Variants in ABL1 observed in about 807,000 individuals in gnomAD.
ABL1 encodes tyrosine-protein kinase ABL1.
ABL1 carries 11 observed loss-of-function variants against 94.7 expected under a neutral mutation model. The observed-to-expected ratio is 0.12, with a 90% CI of 0.07 to 0.19. The LOEUF (loss-of-function observed/expected upper bound fraction) is 0.19. Ranked by LOEUF, ABL1 falls within the 10% of genes least tolerant of loss-of-function variation. ABL1 has a pLI of 1.00. For synonymous variants in ABL1, 656 were observed against 622.4 expected (o/e 1.05, Z -0.80); for missense variants, 1,082 against 1,489.4 (o/e 0.73, Z 4.50).
At position 130,805,108 on chromosome 9, in the gene ABL1, G is replaced by A. The variant is rs146778201; in HGVS notation, c.137-48956G>A. On this transcript the variant is annotated intron_variant, in intron 1 of 10. Coordinates refer to the ABL1 transcript ENST00000372348. ...GTTTGTTTGTTTGAGACAGAGTCTC[G>A]CACTGTCACCCAGGCTGGAGTGCAG... Among the ~76,000 whole-genome samples, 29 of 152,178 alleles carry A rather than the reference G, an allele frequency of 1.9e-4. No individual in the cohort carries two copies. In the East Asian group the frequency reaches 4.1e-3, roughly 21 times the overall value.
intron 1 of ABL1, among the ~76,000 whole-genome samples, chr9:130,784,120 A>G (rs1829795099): frequency 1.3e-5 from 2 of 152,080 alleles, no homozygotes; most frequent in African/African-American, 4.8e-5. Context: ...TTTTTAAAAA[A>G]AATCTCTAAA....
At chr9:130,765,798 A>G (rs962801001) in intron 1 of ABL1, among the ~76,000 whole-genome samples, 4 of 152,216 alleles carry the variant, frequency 2.6e-5, no homozygotes, top group Admixed American at 6.5e-5. Context: ...TTGAACACAT[A>G]TTGAAATTTT....
chr9:130,721,822 G>GTTTTTTTT (rs746954089), intron 1 of ABL1, among the ~76,000 whole-genome samples: 3 of 120,880 alleles, frequency 2.5e-5, no homozygotes, highest in Non-Finnish European at 1.7e-5. Context: ...GTTTTTTTTT[G>GTTTTTTTT]TTTTTTTTTT....
At chr9:130,788,289 A>G (rs1259425414) in intron 1 of ABL1, among the ~76,000 whole-genome samples, 1 of 152,180 alleles carries the variant, frequency 6.6e-6, no homozygotes, top group East Asian at 1.9e-4. Flanking sequence ...CGAGTCATCA[A>G]TTTTTAACGT....
intron 1 of ABL1, among the ~76,000 whole-genome samples, chr9:130,730,175 C>T (rs979284196): frequency 6.6e-6 from 1 of 151,766 alleles, no homozygotes; most frequent in Non-Finnish European, 1.5e-5. Flanking sequence ...TCCCGAGTAG[C>T]TGGAATATGG....
intron 3 of ABL1, among the ~76,000 whole-genome samples, chr9:130,858,889 T>C (rs1031992663): frequency 6.6e-6 from 1 of 152,154 alleles, no homozygotes; most frequent in Non-Finnish European, 1.5e-5. Context: ...CTCCTCGTGT[T>C]CTGAGCTTTT....
At chr9:130,860,904 G>A (rs190627394) in intron 3 of ABL1, among the ~76,000 whole-genome samples, 1 of 152,214 alleles carries the variant, frequency 6.6e-6, no homozygotes, top group African/African-American at 2.4e-5. Context: ...TGCAGCACTT[G>A]TGTTGGTGAC....
At chr9:130,838,362 T>C (rs1465684025) in intron 1 of ABL1, among the ~76,000 whole-genome samples, 1 of 152,254 alleles carries the variant, frequency 6.6e-6, no homozygotes, top group Admixed American at 6.5e-5. Flanking sequence ...TAGTCTCTTT[T>C]TCTTTTCTAG....
chr9:130,726,074 C>T (rs1262554618), intron 1 of ABL1, among the ~76,000 whole-genome samples: 1 of 151,854 alleles, frequency 6.6e-6, no homozygotes, highest in African/African-American at 2.4e-5. Context: ...TGGTCTTGAA[C>T]TCCTGGGCTC....
intron 1 of ABL1, among the ~76,000 whole-genome samples, chr9:130,805,463 A>G (rs998957759): frequency 2.3e-4 from 35 of 152,296 alleles, no homozygotes; most frequent in Non-Finnish European, 1.2e-4. Context: ...TTTCTTACGG[A>G]ATTTCTTGAC....
At chr9:130,879,279 G>A (rs1424167326) in intron 8 of ABL1, among the ~76,000 whole-genome samples, 1 of 152,092 alleles carries the variant, frequency 6.6e-6, no homozygotes, top group Non-Finnish European at 1.5e-5. Context: ...TATTTATATG[G>A]CCATTTCTTA....
Position 130,762,013 on chromosome 9 carries a change from C to T in ABL1, c.136+47558C>T, listed in dbSNP as rs371363648. Among the ~76,000 whole-genome samples, 10 of 152,036 alleles carry T rather than the reference C, an allele frequency of 6.6e-5. No individual in the cohort carries two copies. In the East Asian group the frequency reaches 1.9e-3, roughly 29 times the overall value. ...ACAAAATTAGCTGGGCTTGCTGGCG[C>T]GTGCCTGTAATCCCAGCTACTTGGG... On this transcript the variant is annotated intron_variant, in intron 1 of 10. Transcript: ENST00000372348.
At chr9:130,728,617 C>T (rs1831622040) in intron 1 of ABL1, among the ~76,000 whole-genome samples, 1 of 150,898 alleles carries the variant, frequency 6.6e-6, no homozygotes, top group Admixed American at 6.6e-5. Context: ...GTCTCAATCT[C>T]CTGACCTTGT....
chr9:130,717,527 A>C (rs996378289), intron 1 of ABL1, among the ~76,000 whole-genome samples: 27 of 151,254 alleles, frequency 1.8e-4, no homozygotes, highest in Non-Finnish European at 2.9e-4. Context: ...ATCTAGTGAG[A>C]TCTTACCTCT....
At chr9:130,882,531 C>A (rs896936170) in intron 10 of ABL1, among the ~76,000 whole-genome samples, 26 of 151,968 alleles carry the variant, frequency 1.7e-4, no homozygotes, top group Admixed American at 1.3e-3. Flanking sequence ...TTGGCAACAC[C>A]AAAAAGATTT....
intron 1 of ABL1, among the ~76,000 whole-genome samples, chr9:130,749,790 T>C (rs1467681051): frequency 6.6e-6 from 1 of 152,196 alleles, no homozygotes; most frequent in Non-Finnish European, 1.5e-5. Context: ...GTTATTATTT[T>C]ATGAAATTGT....
At chr9:130,864,372 G>C (rs544312456) in intron 4 of ABL1, among the ~76,000 whole-genome samples, 1 of 152,208 alleles carries the variant, frequency 6.6e-6, no homozygotes, top group South Asian at 2.1e-4. Flanking sequence ...AGCCTCACGA[G>C]TAGCTGGGAT....
chr9:130,742,017 G>A (rs1268186787), intron 1 of ABL1, among the ~76,000 whole-genome samples: 1 of 152,164 alleles, frequency 6.6e-6, no homozygotes, highest in African/African-American at 2.4e-5. Context: ...GCCCTTTACA[G>A]AGCAGTTGGG....
chr9:130,877,747 TCTC>T (rs1219660871), intron 7 of ABL1, among the ~76,000 whole-genome samples: 3 of 146,320 alleles, frequency 2.1e-5, no homozygotes, highest in African/African-American at 2.6e-5. Context: ...TTCAAGCAAT[TCTC>T]CTGCCTCAGC....
Sources: gnomAD v4.1 joint callset for allele counts (sites outside exome capture counted in the v4.1 genomes callset) on GRCh38, gnomAD v4.1.1 for gene constraint, MANE v1.5 for transcripts, NCBI Gene and HGNC (gene_info 2026-07-23, HGNC 2026-07-21) for gene names.